The following SRD5A2 variants were observed in gnomAD, a reference collection of about 807,000 sequenced individuals.
SRD5A2 encodes 3-oxo-5-alpha-steroid 4-dehydrogenase 2.
In SRD5A2, 30 loss-of-function variants were observed where a neutral mutation model predicts 27.4. The ratio of observed to expected loss-of-function variants is 1.10; its 90% CI spans 0.82 to 1.49. The LOEUF (loss-of-function observed/expected upper bound fraction) is 1.49, where lower values mean the gene tolerates loss of function less well. Among genes scored for constraint, SRD5A2 ranks in the 40% most tolerant of loss-of-function variants. The pLI, the probability that SRD5A2 is intolerant of heterozygous loss-of-function variation, is 0.00. For synonymous variants in SRD5A2, 141 were observed against 133.6 expected (o/e 1.06, Z -0.38); for missense variants, 348 against 323.4 (o/e 1.08, Z -0.58).
the SRD5A2 span, among the ~76,000 whole-genome samples, chr2:31,642,124 C>T: frequency 1.3e-5 from 2 of 151,950 alleles, no homozygotes; most frequent in Non-Finnish European, 1.5e-5. Flanking sequence ...CAGACAAAGG[C>T]TTAAAGGTAA....
chr2:31,524,515 A>T lies in SRD5A2; in HGVS notation c.*1681T>A, dbSNP rs547107620. 3 of 230,468 alleles carry T rather than the reference A, an allele frequency of 1.3e-5. No individual in the cohort carries two copies. The highest frequency in any genetic ancestry group is 6.6e-5 in the African/African-American group (3 of 45,314). 14.3% of individuals were successfully genotyped at this position (230,468 alleles called of 1,614,324 possible). A position where few individuals can be genotyped will look rare whatever the true frequency, so the allele number is the denominator to read the frequency against. On this transcript the variant is annotated 3_prime_UTR_variant, in exon 5 of 5. Coordinates refer to ENST00000622030, the MANE Select transcript of SRD5A2 (RefSeq NM_000348.4). The stretch of plus-strand genomic sequence containing the variant: ...TGAGGGACAGGCGGGACAGGGAAGC[A>T]CACCCCAATACCTTGTGAAAATCTC...
At chr2:31,577,310 G>C (rs1371966184) in intron 1 of SRD5A2, among the ~76,000 whole-genome samples, 2 of 151,826 alleles carry the variant, frequency 1.3e-5, no homozygotes, top group East Asian at 3.9e-4. Context: ...AGAGAGGAAA[G>C]TTATCTGAAT....
At chr2:31,533,823 A>G in intron 1 of SRD5A2, 57 bp from the exon 2 acceptor site, 2 of 1,535,810 alleles carry the variant, frequency 1.3e-6, no homozygotes, top group Non-Finnish European at 1.8e-6. Context: ...ACATGGTCTC[A>G]TCCCCACCTC....
the SRD5A2 span, among the ~76,000 whole-genome samples, chr2:31,620,211 A>G: frequency 6.6e-6 from 1 of 152,174 alleles, no homozygotes; most frequent in African/African-American, 2.4e-5. Flanking sequence ...CATCTATTAC[A>G]AACCCACAGA....
At chr2:31,635,484 C>G in the SRD5A2 span, among the ~76,000 whole-genome samples, 1 of 151,908 alleles carries the variant, frequency 6.6e-6, no homozygotes, top group Non-Finnish European at 1.5e-5. Context: ...AATATTTTCT[C>G]TCATTTTGTG....
intron 1 of SRD5A2, among the ~76,000 whole-genome samples, chr2:31,572,877 T>C (rs374734034): frequency 6.6e-6 from 1 of 151,980 alleles, no homozygotes; most frequent in African/African-American, 2.4e-5. Context: ...GCCTTAACAA[T>C]ATGGAGCAAA....
At chr2:31,637,828 T>C in the SRD5A2 span, among the ~76,000 whole-genome samples, 1 of 152,098 alleles carries the variant, frequency 6.6e-6, no homozygotes, top group Non-Finnish European at 1.5e-5. Context: ...TTAAGTCTTC[T>C]CTCTTCTCTT....
At chr2:31,590,086 T>C in the SRD5A2 span, among the ~76,000 whole-genome samples, 4 of 152,238 alleles carry the variant, frequency 2.6e-5, no homozygotes, top group Admixed American at 2.6e-4. Flanking sequence ...ACCACCTCTC[T>C]GTCCTCCACA....
the SRD5A2 span, among the ~76,000 whole-genome samples, chr2:31,595,513 G>T: frequency 6.6e-6 from 1 of 151,958 alleles, no homozygotes; most frequent in African/African-American, 2.4e-5. Flanking sequence ...GAAAGAAATA[G>T]AAACTCTGAA....
chr2:31,547,905 A>G (rs1279283419), intron 1 of SRD5A2, among the ~76,000 whole-genome samples: 2 of 152,220 alleles, frequency 1.3e-5, no homozygotes, highest in Non-Finnish European at 2.9e-5. Flanking sequence ...TTAGATAGAT[A>G]CAGATATAGA....
At position 31,531,411 on chromosome 2, in the gene SRD5A2, C is replaced by T; in HGVS notation, c.507G>A (p.Gln169=). The change falls in exon 3 of 5, where the codon CAG becomes CAA. Residue 169 remains glutamine, a synonymous_variant. Transcript: ENST00000622030. ...AGCTGATTTCTCCAGGCTTCCTGAGCTGGCGCAATATATAGTCACTATGAA... is the reference window on the plus strand; with the variant it reads ...AGCTGATTTCTCCAGGCTTCCTGAGTTGGCGCAATATATAGTCACTATGAA... ...INIHSDYILR[Q]LRKPGEISYR... 1 of 1,597,984 alleles carries T rather than the reference C, an allele frequency of 6.3e-7. No individual in the cohort carries two copies. The highest frequency in any genetic ancestry group is 8.5e-7 in the Non-Finnish European group (1 of 1,171,920).
chr2:31,585,740 C>T (rs1049355109), upstream of SRD5A2, among the ~76,000 whole-genome samples: 1 of 152,118 alleles, frequency 6.6e-6, no homozygotes, highest in Non-Finnish European at 1.5e-5. Flanking sequence ...GGTAAAGCAC[C>T]AAGCAAGCTC....
Position 31,531,921 on chromosome 2 carries a change from T to A in SRD5A2, c.446-449A>T, listed in dbSNP as rs574018880. 5.3e-5 allele frequency among the ~76,000 whole-genome samples: 8 copies of A among 152,338 alleles called. No individual in the cohort carries two copies. The South Asian group carries it at 1.4e-3, about 28-fold the overall frequency. On this transcript the variant is annotated intron_variant, in intron 2 of 4. Transcript: ENST00000622030. ...TGAGAAAGGGGGTCACATGAGCTAG[T>A]TCCACCAATAAGATGTAAAGTGAAG...
chr2:31,641,863 G>T, the SRD5A2 span, among the ~76,000 whole-genome samples: 1 of 151,862 alleles, frequency 6.6e-6, no homozygotes, highest in African/African-American at 2.4e-5. Context: ...TGCAACCTCA[G>T]TCAAAATCTC....
chr2:31,607,468 T>C, the SRD5A2 span, among the ~76,000 whole-genome samples: 10 of 151,424 alleles, frequency 6.6e-5, no homozygotes, highest in South Asian at 4.2e-4. Context: ...ATAAAACCTA[T>C]AGATGAGAAG....
chr2:31,538,084 A>G (rs915856352), intron 1 of SRD5A2, among the ~76,000 whole-genome samples: 1 of 152,188 alleles, frequency 6.6e-6, no homozygotes, highest in Non-Finnish European at 1.5e-5. Context: ...TCCCAAATTG[A>G]TATCTCCAGA....
intron 1 of SRD5A2, among the ~76,000 whole-genome samples, chr2:31,540,092 T>C (rs1666100685): frequency 6.6e-6 from 1 of 152,144 alleles, no homozygotes; most frequent in Admixed American, 6.5e-5. Flanking sequence ...ACACTCAAAC[T>C]GGTAAAATGA....
At chr2:31,561,717 T>G (rs538183956) in intron 1 of SRD5A2, among the ~76,000 whole-genome samples, 1 of 152,242 alleles carries the variant, frequency 6.6e-6, no homozygotes, top group African/African-American at 2.4e-5. Flanking sequence ...ACTTTGAGGA[T>G]TCCCCAGAAT....
intron 1 of SRD5A2, among the ~76,000 whole-genome samples, chr2:31,549,454 A>C (rs1666340288): frequency 6.6e-6 from 1 of 152,154 alleles, no homozygotes; most frequent in Admixed American, 6.6e-5. Context: ...CATGAGCTAA[A>C]TAGAAGTGAT....
Sources: gnomAD v4.1 joint callset for allele counts (sites outside exome capture counted in the v4.1 genomes callset) on GRCh38, gnomAD v4.1.1 for gene constraint, MANE v1.5 for transcripts, NCBI Gene and HGNC (gene_info 2026-07-23, HGNC 2026-07-21) for gene names.